Variants in PDXDC1 observed in about 807,000 individuals in gnomAD.
PDXDC1 encodes pyridoxal-dependent decarboxylase domain-containing protein 1.
PDXDC1 carries 42 observed loss-of-function variants against 100.1 expected under a neutral mutation model. That is an observed-to-expected ratio of 0.42 (90% CI 0.33 to 0.54). The LOEUF is 0.54. PDXDC1 is among the 20% of genes least tolerant of loss of function. PDXDC1 has a pLI of 0.10. For missense variants in PDXDC1, 636 were observed against 979.2 expected, an observed-to-expected ratio of 0.65 and a Z score of 4.68; for synonymous variants, 260 against 371.7, an observed-to-expected ratio of 0.70 and a Z score of 3.46.
At chr16:15,140,362 T>G (rs2048449284), downstream of PDXDC1, among the ~76,000 whole-genome samples, 1 of 146,288 alleles carries the variant, frequency 6.8e-6, no homozygotes, top group Non-Finnish European at 1.5e-5. Context: ...GAGAATCACT[T>G]GAACCCGGGA....
chr16:14,974,945 A>T (rs1172619647), upstream of PDXDC1: 3 of 1,535,062 alleles, frequency 2.0e-6, no homozygotes, highest in Admixed American at 5.9e-5. Context: ...TCACCTGCGC[A>T]CGTTAGGGAG....
the PDXDC1 span, among the ~76,000 whole-genome samples, chr16:15,152,291 G>A: frequency 4.6e-5 from 6 of 131,848 alleles, no homozygotes; most frequent in South Asian, 5.1e-4. Context: ...AGACAGCAAC[G>A]CTCCTGGACC....
At chr16:15,152,165 C>T in the PDXDC1 span, among the ~76,000 whole-genome samples, 4 of 132,536 alleles carry the variant, frequency 3.0e-5, no homozygotes, top group South Asian at 2.5e-4. Context: ...TCAGAAGCCC[C>T]GGCTGTCCTC....
the PDXDC1 span, among the ~76,000 whole-genome samples, chr16:15,149,523 G>A: frequency 6.6e-6 from 1 of 152,188 alleles, no homozygotes; most frequent in Non-Finnish European, 1.5e-5. Flanking sequence ...CAGGCCTAGG[G>A]GTCGCTCCAG....
intron 8 of PDXDC1, 58 bp from the exon 9 acceptor site, chr16:15,016,071 G>T (rs1260835881): frequency 6.2e-7 from 1 of 1,612,962 alleles, no homozygotes; most frequent in Admixed American, 1.7e-5. Flanking sequence ...AAGTGTTTAA[G>T]GTATAAAGCC....
intron 16 of PDXDC1, among the ~76,000 whole-genome samples, chr16:15,076,229 A>C (rs1470981029): frequency 6.6e-6 from 1 of 152,214 alleles, no homozygotes; most frequent in East Asian, 1.9e-4. Context: ...AAAGTGTACA[A>C]GTGGTAAAAT....
chr16:15,125,604 C>G (rs945917003), intron 16 of PDXDC1: 1 of 1,230,542 alleles, frequency 8.1e-7, no homozygotes, highest in Non-Finnish European at 1.2e-6. Flanking sequence ...CAAAGGCCTG[C>G]TGAGAGGTGC....
rs117719642 is a variant in PDXDC1 at position 15,034,296 on chromosome 16, A to C, written c.1823A>C (p.Asn608Thr). Reference sequence around the variant, plus strand: ...TTGGTCTTGCCACAGCTTCTGGAAAACATGACAGAAGTGGTTCGGAAAGGC... The same window carrying C: ...TTGGTCTTGCCACAGCTTCTGGAAACCATGACAGAAGTGGTTCGGAAAGGC... ...EIEENSRLLE[N>T]MTEVVRKGIQ... is the part of the protein sequence containing the mutation. Residue 608 changes from asparagine (N) to threonine (T), a missense_variant, in exon 20 of 23, where the codon AAC becomes ACC. Physicochemically the swap from Asn to Thr is moderately conservative, Grantham distance 65. This residue lies in a region of PDXDC1 where 452 missense variants were observed against 402.9 expected (regional missense o/e 1.12). Coordinates refer to ENST00000396410, the MANE Select transcript of PDXDC1 (RefSeq NM_015027.4). The C allele has an allele frequency of 5.5e-3, 8,799 of 1,613,052 alleles. 31 individuals carry two copies. The highest frequency in any genetic ancestry group is 7.0e-3 in the Non-Finnish European group (8,251 of 1,179,796).
At chr16:15,083,939 C>T (rs2045808424) in intron 16 of PDXDC1, among the ~76,000 whole-genome samples, 1 of 152,214 alleles carries the variant, frequency 6.6e-6, no homozygotes, top group African/African-American at 2.4e-5. Context: ...TGGTCTCGAA[C>T]TCCCGACCTC....
At chr16:15,099,383 G>A (rs2046464910) in intron 16 of PDXDC1, among the ~76,000 whole-genome samples, 1 of 126,876 alleles carries the variant, frequency 7.9e-6, no homozygotes, top group Non-Finnish European at 1.5e-5. Context: ...TCGCAACACT[G>A]CACTCCAGCC....
rs1320949308 is a variant in PDXDC1 at position 15,135,079 on chromosome 16, G to A, written c.1400-3800G>A. ...TAGCTTTTGTCACTAGAGCATATGT[G>A]GCTTGAAGACTGTATGTGGAACTGT... On this transcript the variant is annotated intron_variant, in intron 16 of 16. Transcript: ENST00000535621. 20 of 593,764 alleles carry A rather than the reference G, an allele frequency of 3.4e-5. No homozygotes were observed. In the East Asian group the frequency reaches 4.6e-4, roughly 14 times the overall value. 36.8% of individuals were successfully genotyped at this position (593,764 alleles called of 1,614,324 possible).
chr16:15,069,097 G>C (rs2045108937), intron 16 of PDXDC1, among the ~76,000 whole-genome samples: 1 of 152,170 alleles, frequency 6.6e-6, no homozygotes, highest in Non-Finnish European at 1.5e-5. Context: ...GTAGGATGTA[G>C]GTAAACATAT....
chr16:15,089,669 G>A (rs553976694), intron 16 of PDXDC1, among the ~76,000 whole-genome samples: 4 of 151,426 alleles, frequency 2.6e-5, no homozygotes, highest in Non-Finnish European at 4.4e-5. Context: ...CGGTGGTGGC[G>A]GGCGAGTGTA....
chr16:15,006,632 T>A (rs1974295829), intron 6 of PDXDC1, 49 bp downstream of exon 6: 13 of 1,483,284 alleles, frequency 8.8e-6, no homozygotes, highest in Non-Finnish European at 1.2e-5. Context: ...TCTTATTTTG[T>A]TCTGAAAGTT....
intron 16 of PDXDC1, chr16:15,047,531 C>T: frequency 6.2e-7 from 1 of 1,613,744 alleles, no homozygotes; most frequent in Non-Finnish European, 8.5e-7. Flanking sequence ...CACAATGTGT[C>T]AAGCAGGTGG....
chr16:15,074,749 T>C, intron 16 of PDXDC1: 2 of 1,613,978 alleles, frequency 1.2e-6, no homozygotes, highest in South Asian at 2.2e-5. Flanking sequence ...ATCCTTCATG[T>C]AGGACAAAAC....
At chr16:15,044,516 G>C in intron 16 of PDXDC1, 2 of 755,190 alleles carry the variant, frequency 2.6e-6, no homozygotes. Context: ...CTCTACAGCA[G>C]AGCTGCAGGT....
chr16:15,134,058 G>A (rs1355281766), intron 16 of PDXDC1: 18 of 1,572,130 alleles, frequency 1.1e-5, no homozygotes, highest in East Asian at 4.5e-5. Context: ...GTTGCTGAAC[G>A]TACGTGCAGC....
At chr16:15,115,226 CCCAG>C (rs2047204916) in intron 16 of PDXDC1, among the ~76,000 whole-genome samples, 1 of 129,836 alleles carries the variant, frequency 7.7e-6, no homozygotes, top group South Asian at 2.6e-4. Flanking sequence ...AGCCACCGTG[CCCAG>C]CCATTTTTTT....
Sources: allele counts gnomAD v4.1 joint callset (sites outside exome capture counted in the v4.1 genomes callset), GRCh38; gene constraint gnomAD v4.1.1; regional missense constraint gnomAD v4.1.1; transcripts MANE v1.5; gene names NCBI Gene and HGNC (gene_info 2026-07-23, HGNC 2026-07-21).